XKR4: variants seen among roughly 807,000 people sequenced by gnomAD.
XKR4 encodes the protein XK-related protein 4.
A neutral mutation model predicts 53.9 loss-of-function variants in XKR4; 12 were observed. The ratio of observed to expected loss-of-function variants is 0.22; its 90% CI spans 0.14 to 0.36. The LOEUF (loss-of-function observed/expected upper bound fraction) is 0.36, where lower values mean the gene tolerates loss of function less well. XKR4 is among the 10% of genes least tolerant of loss of function. The pLI is 1.00. For synonymous variants in XKR4, 354 were observed against 362.4 expected, an observed-to-expected ratio of 0.98 and a Z score of 0.26; for missense variants, 799 against 859.5, an observed-to-expected ratio of 0.93 and a Z score of 0.88.
chr8:55,298,688 G>A (rs553097084), intron 1 of XKR4, among the ~76,000 whole-genome samples: 16 of 152,172 alleles, frequency 1.1e-4, no homozygotes, highest in East Asian at 3.9e-4. Context: ...GGGGACAAAC[G>A]TCCAACCTAT....
At chr8:55,320,934 C>T (rs532303683) in intron 1 of XKR4, among the ~76,000 whole-genome samples, 11 of 152,152 alleles carry the variant, frequency 7.2e-5, no homozygotes, top group African/African-American at 2.6e-4. Flanking sequence ...ATTAATCTGT[C>T]TTCTCTTTCC....
intron 2 of XKR4, among the ~76,000 whole-genome samples, chr8:55,461,845 G>A (rs978675350): frequency 5.3e-4 from 81 of 152,338 alleles, no homozygotes; most frequent in African/African-American, 1.9e-3. Context: ...CTCAGTAACT[G>A]ATGCGATCAA....
At chr8:55,280,338 A>G (rs1468528941) in intron 1 of XKR4, among the ~76,000 whole-genome samples, 1 of 152,184 alleles carries the variant, frequency 6.6e-6, no homozygotes, top group Non-Finnish European at 1.5e-5. Context: ...GATTCAGTAA[A>G]TGTGCAAATG....
intron 1 of XKR4, among the ~76,000 whole-genome samples, chr8:55,312,197 T>C (rs1457879835): frequency 6.7e-6 from 1 of 149,392 alleles, no homozygotes; most frequent in Non-Finnish European, 1.5e-5. Context: ...TTTTTTTTTT[T>C]AATGAGAAAA....
chr8:55,446,721 A>G (rs1286371635), intron 2 of XKR4, among the ~76,000 whole-genome samples: 1 of 152,196 alleles, frequency 6.6e-6, no homozygotes, highest in Non-Finnish European at 1.5e-5. Context: ...TTTAGGGGAC[A>G]GTGGCTTTAT....
At chr8:55,259,736 G>A (rs751792380) in intron 1 of XKR4, among the ~76,000 whole-genome samples, 2 of 152,132 alleles carry the variant, frequency 1.3e-5, no homozygotes, top group South Asian at 2.1e-4. Context: ...CTTTTCAGTG[G>A]AGAACCGAAA....
At chr8:55,196,409 C>G (rs1013534315) in intron 1 of XKR4, among the ~76,000 whole-genome samples, 2 of 152,264 alleles carry the variant, frequency 1.3e-5, no homozygotes, top group East Asian at 1.9e-4. Context: ...TCTTGAACTC[C>G]TGGCCTCAGG....
intron 1 of XKR4, among the ~76,000 whole-genome samples, chr8:55,338,724 G>T (rs1031382974): frequency 6.6e-6 from 1 of 152,160 alleles, no homozygotes; most frequent in African/African-American, 2.4e-5. Flanking sequence ...AAAGAGAACC[G>T]AGAGGACACA....
At chr8:55,184,008 G>T (rs191584379) in intron 1 of XKR4, among the ~76,000 whole-genome samples, 1 of 151,984 alleles carries the variant, frequency 6.6e-6, no homozygotes. Flanking sequence ...AAACTTTCCC[G>T]AATGCCTAAT....
Position 55,257,008 on chromosome 8 carries a change from G to T in XKR4, c.807-100670G>T, listed in dbSNP as rs1378510375. Among the ~76,000 whole-genome samples the T allele has an allele frequency of 3.9e-5, 6 of 152,128 alleles. No homozygotes were observed. The East Asian group carries it at 1.2e-3, about 29-fold the overall frequency. ...TTGCTGCATCCTTTCCACCTCTTTT[G>T]TAAGGGTACTGATCCCATTCATGAG... On this transcript the variant is annotated intron_variant, in intron 1 of 2. Coordinates refer to ENST00000327381, the MANE Select transcript of XKR4 (RefSeq NM_052898.2).
At position 55,303,544 on chromosome 8, in the gene XKR4, A is replaced by G. The variant is rs542762209; in HGVS notation, c.807-54134A>G. Among the ~76,000 whole-genome samples the G allele has an allele frequency of 6.6e-5, 10 of 152,176 alleles. No individual in the cohort carries two copies. The East Asian group carries it at 1.7e-3, about 26-fold the overall frequency. ...GTTAAGGAGGATTCCCTCTTTTTCTATTGATTGGAATAGTTTCAGAAGGAA... is the reference window on the plus strand; with the variant it reads ...GTTAAGGAGGATTCCCTCTTTTTCTGTTGATTGGAATAGTTTCAGAAGGAA... On this transcript the variant is annotated intron_variant, in intron 1 of 2. Coordinates refer to ENST00000327381, the MANE Select transcript of XKR4 (RefSeq NM_052898.2).
chr8:55,239,788 A>T (rs1218883545), intron 1 of XKR4, among the ~76,000 whole-genome samples: 2 of 152,128 alleles, frequency 1.3e-5, no homozygotes, highest in East Asian at 1.9e-4. Context: ...CCAAATTCCC[A>T]TTCCATCCCG....
chr8:55,464,463 G>C (rs1805722860), intron 2 of XKR4, among the ~76,000 whole-genome samples: 1 of 152,104 alleles, frequency 6.6e-6, no homozygotes, highest in Admixed American at 6.5e-5. Context: ...ATTATGTATT[G>C]ATGGGACGTA....
chr8:55,143,732 T>C (rs968228863), intron 1 of XKR4, among the ~76,000 whole-genome samples: 8 of 152,222 alleles, frequency 5.3e-5, no homozygotes, highest in African/African-American at 1.9e-4. Flanking sequence ...TGCCTCCAAG[T>C]CCCAAGAATG....
At chr8:55,367,853 C>T (rs1326913940) in intron 2 of XKR4, among the ~76,000 whole-genome samples, 1 of 152,194 alleles carries the variant, frequency 6.6e-6, no homozygotes, top group Non-Finnish European at 1.5e-5. Flanking sequence ...TCTCTCCAAA[C>T]ACCAGCTCAG....
chr8:55,369,402 G>GAGGGGAGGGA (rs1554520633), intron 2 of XKR4, among the ~76,000 whole-genome samples: 1 of 44,428 alleles, frequency 2.3e-5, no homozygotes, highest in Non-Finnish European at 4.4e-5. Context: ...GAGGGGAGGG[G>GAGGGGAGGGA]AGGGAAAGGA....
In XKR4 at chr8:55,530,145, AAGGAAGGAAGGAAGGAAGGAAGG is replaced by A. The variant is rs1806928528; in HGVS notation, c.*5920_*5942del. On this transcript the variant is annotated 3_prime_UTR_variant, in exon 3 of 3. Coordinates refer to ENST00000327381, the MANE Select transcript of XKR4 (RefSeq NM_052898.2). Reference sequence around the variant, plus strand: ...GGAGGGAGAGAGGGAGGGAAGGAAGAAGGAAGGAAGGAAGGAAGGAAGGAAGGAAGGAAGGAAGGAAGGAAGGA... The same window carrying A: ...GGAGGGAGAGAGGGAGGGAAGGAAGAAAGGAAGGAAGGAAGGAAGGAAGGA... 1 of 820 alleles carries A rather than the reference AAGGAAGGAAGGAAGGAAGGAAGG, an allele frequency of 1.2e-3. No individual in the cohort carries two copies. The highest frequency in any genetic ancestry group is 2.4e-3 in the Non-Finnish European group (1 of 410). The allele number at this position is 820 out of a possible 1,614,324, so 0.1% of individuals were successfully genotyped here.
At chr8:55,333,860 A>T (rs1803414600) in intron 1 of XKR4, among the ~76,000 whole-genome samples, 1 of 152,134 alleles carries the variant, frequency 6.6e-6, no homozygotes, top group African/African-American at 2.4e-5. Flanking sequence ...CAAGGAGGGG[A>T]TGGGGCAAAG....
chr8:55,417,805 C>T (rs1804871426), intron 2 of XKR4, among the ~76,000 whole-genome samples: 1 of 152,074 alleles, frequency 6.6e-6, no homozygotes, highest in South Asian at 2.1e-4. Flanking sequence ...ACTCTGGGGA[C>T]CTAGTATGAT....
Sources: gnomAD v4.1 joint callset for allele counts (sites outside exome capture counted in the v4.1 genomes callset) on GRCh38, gnomAD v4.1.1 for gene constraint, MANE v1.5 for transcripts, NCBI Gene and HGNC (gene_info 2026-07-23, HGNC 2026-07-21) for gene names.